Variants in CHST9 observed in about 807,000 individuals in gnomAD.
The protein encoded by CHST9 is carbohydrate sulfotransferase 9.
In CHST9, 41 loss-of-function variants were observed where a neutral mutation model predicts 44.4. The observed-to-expected ratio is 0.92, with a 90% confidence interval of 0.72 to 1.20. The LOEUF (loss-of-function observed/expected upper bound fraction) is 1.20, where lower values mean the gene tolerates loss of function less well. CHST9 is among the 50% of genes most tolerant of loss of function. The pLI is 0.00. For synonymous variants in CHST9, 171 were observed against 178.4 expected (o/e 0.96, Z 0.33); for missense variants, 504 against 516.5 (o/e 0.98, Z 0.23).
At chr18:27,066,580 A>G (rs552209611) in intron 2 of CHST9, among the ~76,000 whole-genome samples, 6 of 152,280 alleles carry the variant, frequency 3.9e-5, no homozygotes, top group Admixed American at 3.9e-4. Context: ...TATAGGCATG[A>G]GCCACAATAC....
At chr18:27,134,411 T>G (rs2058496984) in intron 2 of CHST9, among the ~76,000 whole-genome samples, 1 of 152,190 alleles carries the variant, frequency 6.6e-6, no homozygotes. Flanking sequence ...CTTTTCATTT[T>G]CATACAAAGT....
chr18:27,176,078 G>A (rs2058866094), intron 1 of CHST9, among the ~76,000 whole-genome samples: 1 of 152,002 alleles, frequency 6.6e-6, no homozygotes, highest in African/African-American at 2.4e-5. Flanking sequence ...GAGCTGGAAT[G>A]TTAAGGCAGC....
At chr18:27,076,359 G>A (rs554904895) in intron 2 of CHST9, among the ~76,000 whole-genome samples, 10 of 152,310 alleles carry the variant, frequency 6.6e-5, no homozygotes, top group African/African-American at 2.4e-4. Flanking sequence ...GTGTATGTGT[G>A]TAGTATTGGT....
intron 4 of CHST9, among the ~76,000 whole-genome samples, chr18:27,021,232 A>G (rs1428145165): frequency 6.6e-6 from 1 of 152,090 alleles, no homozygotes; most frequent in Non-Finnish European, 1.5e-5. Flanking sequence ...CCTAAATCTG[A>G]GCAGTAGCGT....
intron 5 of CHST9, among the ~76,000 whole-genome samples, chr18:26,937,483 T>G (rs16942983): frequency 0.12 from 18,451 of 151,932 alleles, 1,483 homozygotes; most frequent in African/African-American, 0.22. Context: ...GTAGTATAAT[T>G]GTGGAGAGAA....
At chr18:27,173,990 T>G (rs2058850205) in intron 1 of CHST9, among the ~76,000 whole-genome samples, 2 of 152,020 alleles carry the variant, frequency 1.3e-5, no homozygotes, top group South Asian at 4.1e-4. Context: ...GTTGCAGATA[T>G]GAGATTTCAC....
At chr18:26,931,759 C>A (rs2055881918) in intron 5 of CHST9, among the ~76,000 whole-genome samples, 1 of 152,202 alleles carries the variant, frequency 6.6e-6, no homozygotes, top group African/African-American at 2.4e-5. Flanking sequence ...TGAGTATGGA[C>A]TGAGGGCTTC....
chr18:27,116,467 T>C (rs151047631), intron 2 of CHST9, among the ~76,000 whole-genome samples: 21 of 152,314 alleles, frequency 1.4e-4, no homozygotes, highest in South Asian at 6.2e-4. Context: ...TTCCAATCCA[T>C]TGATGAACCA....
chr18:27,111,268 A>C (rs949172556), intron 2 of CHST9, among the ~76,000 whole-genome samples: 3 of 152,230 alleles, frequency 2.0e-5, no homozygotes, highest in Non-Finnish European at 4.4e-5. Flanking sequence ...AGACACCATA[A>C]ATTATAAGAA....
intron 1 of CHST9, among the ~76,000 whole-genome samples, chr18:27,150,102 AT>A (rs200943870): frequency 0.089 from 12,810 of 143,474 alleles, 559 homozygotes; most frequent in East Asian, 0.16. Flanking sequence ...AGGCTTTTTG[AT>A]TTTTTTTTTT....
chr18:27,101,444 T>A (rs1407586746), intron 2 of CHST9, among the ~76,000 whole-genome samples: 1 of 150,680 alleles, frequency 6.6e-6, no homozygotes, highest in Non-Finnish European at 1.5e-5. Context: ...ACAAAAAAAA[T>A]TAGCCGGGTG....
chr18:26,916,860 A>T lies in CHST9; in HGVS notation c.731T>A (p.Ile244Asn), dbSNP rs1568089067. ...CCCGTAGTGGACAGCATTGTGGGAG[A>T]TGTTGTATGCAGAGGAAGCCAATCC... ...LNGLASSAYN[I>N]SHNAVHYGKH... Residue 244 changes from isoleucine (I) to asparagine (N), a missense_variant, in exon 6 of 6, where the codon ATC (isoleucine) becomes AAC (asparagine). Transcript: ENST00000618847. 1.2e-6 allele frequency: 2 copies of T among 1,613,844 alleles called. No homozygotes were observed. The highest frequency in any genetic ancestry group is 1.7e-5 in the Admixed American group (1 of 59,986).
At chr18:27,009,773 C>T (rs2057061134) in intron 4 of CHST9, among the ~76,000 whole-genome samples, 1 of 152,194 alleles carries the variant, frequency 6.6e-6, no homozygotes, top group Non-Finnish European at 1.5e-5. Flanking sequence ...TGAAACAAAG[C>T]TTCTGAGTTC....
At chr18:27,000,978 TCTTG>T (rs2145226510) in intron 4 of CHST9, among the ~76,000 whole-genome samples, 1 of 152,314 alleles carries the variant, frequency 6.6e-6, no homozygotes, top group East Asian at 1.9e-4. Context: ...TAGTAGATGA[TCTTG>T]CATACCCCTT....
chr18:27,024,351 T>C (rs1318272528), intron 3 of CHST9, among the ~76,000 whole-genome samples, 194 bp from the exon 4 acceptor site: 1 of 152,144 alleles, frequency 6.6e-6, no homozygotes, highest in Non-Finnish European at 1.5e-5. Context: ...GTGTCACTTA[T>C]TAGGAAACCT....
chr18:27,178,262 A>T (rs1016417752), intron 1 of CHST9, among the ~76,000 whole-genome samples: 3 of 151,954 alleles, frequency 2.0e-5, no homozygotes, highest in African/African-American at 7.2e-5. Flanking sequence ...TGTCAAAGCA[A>T]TTGGTTATTC....
At chr18:27,107,108 G>C (rs534116922) in intron 2 of CHST9, among the ~76,000 whole-genome samples, 8 of 152,210 alleles carry the variant, frequency 5.3e-5, no homozygotes, top group African/African-American at 1.9e-4. Flanking sequence ...AGGGCCCTGG[G>C]GGAATGGAGT....
intron 2 of CHST9, among the ~76,000 whole-genome samples, chr18:27,092,409 GTT>G (rs561100895): frequency 6.6e-6 from 1 of 150,434 alleles, no homozygotes; most frequent in South Asian, 2.1e-4. Flanking sequence ...TGGATTCATT[GTT>G]TTTTTTTGAA....
intron 5 of CHST9, among the ~76,000 whole-genome samples, chr18:26,932,525 C>T (rs2055896772): frequency 6.6e-6 from 1 of 151,774 alleles, no homozygotes; most frequent in South Asian, 2.1e-4. Context: ...ACTTGTGGAG[C>T]TGTGTGTGTT....
Sources: gnomAD v4.1 joint callset for allele counts (sites outside exome capture counted in the v4.1 genomes callset) on GRCh38, gnomAD v4.1.1 for gene constraint, MANE v1.5 for transcripts, NCBI Gene and HGNC (gene_info 2026-07-23, HGNC 2026-07-21) for gene names.